Variants in WDPCP observed in about 807,000 individuals in gnomAD.
The protein encoded by WDPCP is WD repeat containing planar cell polarity effector.
In WDPCP, 71 loss-of-function variants were observed where a neutral mutation model predicts 93.1. The ratio of observed to expected loss-of-function variants is 0.76; its 90% CI spans 0.63 to 0.93. The LOEUF is 0.93. WDPCP is among the 40% of genes least tolerant of loss of function. The pLI is 0.00. For synonymous variants in WDPCP, 315 were observed against 315.0 expected, an observed-to-expected ratio of 1.00 and a Z score of 0.00; for missense variants, 844 against 887.4, an observed-to-expected ratio of 0.95 and a Z score of 0.62.
At chr2:63,391,908 A>G (rs954614889) in intron 10 of WDPCP, among the ~76,000 whole-genome samples, 1 of 152,234 alleles carries the variant, frequency 6.6e-6, no homozygotes, top group Non-Finnish European at 1.5e-5. Flanking sequence ...ATGGAAGAAC[A>G]TTCCATGCTC....
intron 2 of WDPCP, among the ~76,000 whole-genome samples, chr2:63,684,861 G>A (rs1456536056): frequency 6.6e-6 from 1 of 152,138 alleles, no homozygotes; most frequent in Non-Finnish European, 1.5e-5. Context: ...TAAACAATGT[G>A]CTCCTGAATA....
chr2:63,281,343 G>T (rs1057441736), intron 13 of WDPCP, among the ~76,000 whole-genome samples: 8 of 152,130 alleles, frequency 5.3e-5, no homozygotes, highest in African/African-American at 1.7e-4. Context: ...ATGTTGGTGT[G>T]GATGTGGTGA....
intron 17 of WDPCP, among the ~76,000 whole-genome samples, chr2:63,134,564 A>G (rs930993004): frequency 1.3e-5 from 2 of 152,200 alleles, no homozygotes; most frequent in African/African-American, 2.4e-5. Flanking sequence ...GGCTTATACT[A>G]TGAGCACTTT....
At chr2:63,812,083 T>G (rs1405633238) in intron 2 of WDPCP, among the ~76,000 whole-genome samples, 1 of 152,086 alleles carries the variant, frequency 6.6e-6, no homozygotes, top group Non-Finnish European at 1.5e-5. Context: ...CAAGCTGGTC[T>G]CGAACTCCTG....
At chr2:63,730,494 C>T (rs1222955679) in intron 2 of WDPCP, among the ~76,000 whole-genome samples, 2 of 152,148 alleles carry the variant, frequency 1.3e-5, no homozygotes, top group African/African-American at 2.4e-5. Context: ...GACGGAGTCT[C>T]GCTCTGTTGC....
chr2:63,558,212 A>G (rs1478265160), intron 1 of WDPCP, among the ~76,000 whole-genome samples: 4 of 152,138 alleles, frequency 2.6e-5, no homozygotes, highest in Non-Finnish European at 5.9e-5. Context: ...AAATTAACAA[A>G]ATAGACGGCT....
intron 17 of WDPCP, among the ~76,000 whole-genome samples, chr2:63,135,397 T>C (rs1011795704): frequency 4.6e-5 from 7 of 152,198 alleles, no homozygotes; most frequent in Admixed American, 2.0e-4. Flanking sequence ...AGTGGCGCGA[T>C]CTTGGCTCAC....
intron 1 of WDPCP, among the ~76,000 whole-genome samples, chr2:63,554,934 T>C (rs1441807375): frequency 6.6e-6 from 1 of 152,172 alleles, no homozygotes; most frequent in Non-Finnish European, 1.5e-5. Context: ...GAAATTGTGC[T>C]ACCCTGCCCA....
At chr2:63,737,269 G>A (rs114206631) in intron 2 of WDPCP, among the ~76,000 whole-genome samples, 2,541 of 152,256 alleles carry the variant, frequency 0.017, 23 homozygotes, top group African/African-American at 0.017. Flanking sequence ...GGGCATCAAA[G>A]ATATTGATAG....
Position 63,520,859 on chromosome 2 carries a change from G to A in WDPCP, c.76-27919C>T, listed in dbSNP as rs943766531. On this transcript the variant is annotated intron_variant, in intron 1 of 17. Transcript: ENST00000272321. ...CTGCAGTGAGCCATGATTGTGCCAC[G>A]GCACATCAGCCTGGGCAATGGAGTG... Among the ~76,000 whole-genome samples the A allele has an allele frequency of 4.7e-5, 7 of 148,572 alleles. No individual in the cohort carries two copies. The East Asian group carries it at 9.9e-4, about 21-fold the overall frequency.
chr2:63,667,450 C>T (rs1710297144), intron 2 of WDPCP, among the ~76,000 whole-genome samples: 1 of 152,238 alleles, frequency 6.6e-6, no homozygotes, highest in South Asian at 2.1e-4. Flanking sequence ...AGCATTTTAA[C>T]AGTAATAGTT....
At chr2:63,385,875 C>T (rs1692691815) in intron 10 of WDPCP, among the ~76,000 whole-genome samples, 1 of 151,980 alleles carries the variant, frequency 6.6e-6, no homozygotes, top group African/African-American at 2.4e-5. Flanking sequence ...TACTGTAAAG[C>T]CACAGGAATC....
intron 15 of WDPCP, among the ~76,000 whole-genome samples, chr2:63,155,329 T>G (rs1343527148): frequency 6.6e-6 from 1 of 152,206 alleles, no homozygotes; most frequent in Non-Finnish European, 1.5e-5. Context: ...AGTTTGAGAT[T>G]CTTTGTGTGT....
chr2:63,557,182 C>T (rs1171877092), intron 1 of WDPCP, among the ~76,000 whole-genome samples: 1 of 152,126 alleles, frequency 6.6e-6, no homozygotes, highest in Non-Finnish European at 1.5e-5. Context: ...TGTAAATGGA[C>T]TAAATGCCCC....
chr2:63,289,597 A>G (rs1302149795), intron 13 of WDPCP, among the ~76,000 whole-genome samples: 1 of 152,014 alleles, frequency 6.6e-6, no homozygotes, highest in African/African-American at 2.4e-5. Flanking sequence ...TACAGTTTAT[A>G]TTTAGGGAAT....
At chr2:63,617,174 T>C (rs1202030372) in intron 3 of WDPCP, among the ~76,000 whole-genome samples, 2 of 152,200 alleles carry the variant, frequency 1.3e-5, no homozygotes, top group African/African-American at 4.8e-5. Flanking sequence ...CCATAAGAGA[T>C]AATTAACCAT....
chr2:63,743,075 A>G (rs1262494057), intron 2 of WDPCP, among the ~76,000 whole-genome samples: 11 of 152,054 alleles, frequency 7.2e-5, no homozygotes, highest in Admixed American at 7.2e-4. Context: ...ACAGATGAGT[A>G]AACAAGGCTT....
At chr2:63,200,768 C>T (rs184782372) in intron 14 of WDPCP, among the ~76,000 whole-genome samples, 52 of 151,828 alleles carry the variant, frequency 3.4e-4, no homozygotes, top group African/African-American at 9.4e-4. Flanking sequence ...AGGGTATCTA[C>T]GGTAAAAAAT....
intron 6 of WDPCP, among the ~76,000 whole-genome samples, chr2:63,472,977 C>G (rs562555633): frequency 1.3e-5 from 2 of 152,302 alleles, no homozygotes; most frequent in African/African-American, 4.8e-5. Flanking sequence ...ACGGCATTGT[C>G]CCTGATTCTA....
Sources: gnomAD v4.1 joint callset for allele counts (sites outside exome capture counted in the v4.1 genomes callset) on GRCh38, gnomAD v4.1.1 for gene constraint, MANE v1.5 for transcripts, NCBI Gene and HGNC (gene_info 2026-07-23, HGNC 2026-07-21) for gene names.